RALYL: variants seen among roughly 807,000 people sequenced by gnomAD.
RALYL encodes the protein RALY RNA binding protein like.
A neutral mutation model predicts 35.1 loss-of-function variants in RALYL; 29 were observed. That is an observed-to-expected ratio of 0.83 (90% CI 0.61 to 1.13). RALYL has a LOEUF of 1.13. Among genes scored for constraint, RALYL ranks in the 50% most tolerant of loss-of-function variants. The probability of loss-of-function intolerance (pLI) is 0.00; values close to 1 mark genes in which losing one functional copy is unlikely to be tolerated. For synonymous variants in RALYL, 120 were observed against 127.6 expected (o/e 0.94, Z 0.40); for missense variants, 359 against 360.4 (o/e 1.00, Z 0.03).
chr8:84,560,471 T>C (rs944534292), intron 2 of RALYL, among the ~76,000 whole-genome samples: 10 of 152,128 alleles, frequency 6.6e-5, no homozygotes, highest in Admixed American at 3.3e-4. Flanking sequence ...AGAGACAATG[T>C]AGCCTGGGAT....
chr8:84,286,433 TA>T (rs1837631355), intron 1 of RALYL, among the ~76,000 whole-genome samples: 1 of 152,188 alleles, frequency 6.6e-6, no homozygotes, highest in Non-Finnish European at 1.5e-5. Flanking sequence ...TCATTTTTGT[TA>T]CCGAACTGAA....
At chr8:84,750,748 C>G (rs1003448303) in intron 2 of RALYL, among the ~76,000 whole-genome samples, 1 of 152,142 alleles carries the variant, frequency 6.6e-6, no homozygotes, top group East Asian at 1.9e-4. Flanking sequence ...CATGCTCAGC[C>G]CCCTTACCAT....
intron 5 of RALYL, among the ~76,000 whole-genome samples, chr8:84,861,194 A>G (rs1443787247): frequency 1.3e-5 from 2 of 152,198 alleles, no homozygotes; most frequent in Non-Finnish European, 2.9e-5. Flanking sequence ...AAAATATGTA[A>G]CAATCATAAT....
chr8:84,420,436 C>A (rs1163204037), intron 1 of RALYL, among the ~76,000 whole-genome samples: 1 of 151,702 alleles, frequency 6.6e-6, no homozygotes, highest in Non-Finnish European at 1.5e-5. Flanking sequence ...ATTGTAGATT[C>A]TGGATATTAG....
chr8:84,286,728 T>G (rs753925363), intron 1 of RALYL, among the ~76,000 whole-genome samples: 1 of 152,152 alleles, frequency 6.6e-6, no homozygotes, highest in Admixed American at 6.5e-5. Context: ...ATTAAAAGAT[T>G]TTCTGATTTG....
intron 2 of RALYL, among the ~76,000 whole-genome samples, chr8:84,693,761 G>A (rs1838564432): frequency 6.6e-6 from 1 of 151,812 alleles, no homozygotes; most frequent in Admixed American, 6.6e-5. Flanking sequence ...AAAAGAATCA[G>A]TGATCATTAT....
At position 84,616,977 on chromosome 8, in the gene RALYL, C is replaced by A. The variant is rs542080033; in HGVS notation, c.256+87400C>A. 2.2e-4 allele frequency among the ~76,000 whole-genome samples: 33 copies of A among 150,272 alleles called. 2 individuals carry two copies. The highest frequency in any genetic ancestry group is 6.4e-4 in the African/African-American group (26 of 40,354). ...TCTCTGTTTTGGTACCAGTACCATG[C>A]TGTTTTGGTTACTGTAGCCTTGTAG... On this transcript the variant is annotated intron_variant, in intron 2 of 8. Coordinates refer to ENST00000521268, the MANE Select transcript of RALYL (RefSeq NM_173848.7).
At chr8:84,440,206 T>C (rs2048184554) in intron 1 of RALYL, among the ~76,000 whole-genome samples, 2 of 152,118 alleles carry the variant, frequency 1.3e-5, no homozygotes, top group African/African-American at 2.4e-5. Context: ...GCTGACAATA[T>C]TGATATTTAT....
intron 1 of RALYL, among the ~76,000 whole-genome samples, chr8:84,476,719 C>T (rs2053466000): frequency 6.6e-6 from 1 of 152,160 alleles, no homozygotes; most frequent in Non-Finnish European, 1.5e-5. Flanking sequence ...TTTTATTATG[C>T]TCTCCCAGGC....
At chr8:84,451,288 T>G (rs2133192882) in intron 1 of RALYL, among the ~76,000 whole-genome samples, 1 of 152,070 alleles carries the variant, frequency 6.6e-6, no homozygotes, top group South Asian at 2.1e-4. Context: ...CATTTTTAGT[T>G]CCGTATCCCC....
intron 8 of RALYL, among the ~76,000 whole-genome samples, chr8:84,888,627 T>C (rs1165672880): frequency 6.6e-6 from 1 of 152,178 alleles, no homozygotes. Flanking sequence ...CTTAACTCAT[T>C]TTGTCATGGT....
chr8:84,609,558 T>C (rs1817844072), intron 2 of RALYL, among the ~76,000 whole-genome samples: 1 of 152,178 alleles, frequency 6.6e-6, no homozygotes, highest in Non-Finnish European at 1.5e-5. Flanking sequence ...CTAGTTAAAA[T>C]TCACTATAAC....
In RALYL at chr8:84,574,581, A is replaced by G. The variant is rs547021442; in HGVS notation, c.256+45004A>G. ...CTACCTTTCACACCTTTTTTTCACT[A>G]TGATCTGAAAAAATCCTGGCAGAAA... is the stretch of plus-strand genomic sequence containing the variant. On this transcript the variant is annotated intron_variant, in intron 2 of 8. Coordinates refer to ENST00000521268, the MANE Select transcript of RALYL (RefSeq NM_173848.7). Among the ~76,000 whole-genome samples, 4 of 152,096 alleles carry G rather than the reference A, an allele frequency of 2.6e-5. No homozygotes were observed. In the South Asian group the frequency reaches 8.3e-4, roughly 32 times the overall value.
intron 4 of RALYL, among the ~76,000 whole-genome samples, chr8:84,831,825 T>G (rs1830994639): frequency 6.6e-6 from 1 of 152,090 alleles, no homozygotes. Flanking sequence ...AAAAAGGTCA[T>G]AATTGACAAA....
At chr8:84,665,289 G>T (rs565279673) in intron 2 of RALYL, among the ~76,000 whole-genome samples, 2 of 147,702 alleles carry the variant, frequency 1.4e-5, no homozygotes, top group Non-Finnish European at 3.0e-5. Context: ...TTTTTTTGTT[G>T]TATCTCTACC....
intron 8 of RALYL, among the ~76,000 whole-genome samples, chr8:84,916,179 CT>C (rs1245750190): frequency 2.6e-5 from 4 of 152,058 alleles, no homozygotes; most frequent in African/African-American, 9.7e-5. Flanking sequence ...TCCACAGAAA[CT>C]TTTCCTATAA....
In RALYL at chr8:84,643,773, G is replaced by A. The variant is rs545350267; in HGVS notation, c.256+114196G>A. 4.3e-4 allele frequency among the ~76,000 whole-genome samples: 65 copies of A among 152,130 alleles called. 1 individual carries two copies. The highest frequency in any genetic ancestry group is 3.4e-3 in the Middle Eastern group (1 of 294). On this transcript the variant is annotated intron_variant, in intron 2 of 8. Transcript: ENST00000521268. ...AGAAGTAGCCACATTCACATCCAAA[G>A]TAACCACTTCATACGTTAGGGATAG...
At chr8:84,194,595 GAA>G (rs1175375472) in intron 1 of RALYL, among the ~76,000 whole-genome samples, 1 of 152,156 alleles carries the variant, frequency 6.6e-6, no homozygotes, top group Non-Finnish European at 1.5e-5. Context: ...AGATTGAAAA[GAA>G]AGCTATGGAG....
intron 1 of RALYL, among the ~76,000 whole-genome samples, chr8:84,448,176 G>A (rs1472762378): frequency 1.3e-5 from 2 of 151,848 alleles, no homozygotes; most frequent in Non-Finnish European, 2.9e-5. Context: ...ATCTTTATTA[G>A]CAACCACCCT....
Sources: gnomAD v4.1 joint callset for allele counts (sites outside exome capture counted in the v4.1 genomes callset) on GRCh38, gnomAD v4.1.1 for gene constraint, MANE v1.5 for transcripts, NCBI Gene and HGNC (gene_info 2026-07-23, HGNC 2026-07-21) for gene names.